PDZD2: variants seen among roughly 807,000 people sequenced by gnomAD.
The protein encoded by PDZD2 is PDZ domain containing 2, also known as PDZ domain-containing protein 2.
Under a neutral mutation model 220.7 loss-of-function variants are expected in PDZD2, and 90 were observed. The observed-to-expected ratio is 0.41, with a 90% CI of 0.34 to 0.49. The LOEUF is 0.49. Among genes scored for constraint, PDZD2 ranks in the 20% least tolerant of loss-of-function variants. The pLI, the probability that PDZD2 is intolerant of heterozygous loss-of-function variation, is 0.28. For synonymous variants in PDZD2, 1,375 were observed against 1,450.5 expected (o/e 0.95, Z 1.18); for missense variants, 3,174 against 3,608.5 (o/e 0.88, Z 3.08).
chr5:31,778,320 C>G (rs761254224), intron 1 of PDZD2, among the ~76,000 whole-genome samples: 2 of 152,168 alleles, frequency 1.3e-5, no homozygotes, highest in African/African-American at 2.4e-5. Context: ...GCAAGAGGCT[C>G]GGGTCCCCTT....
chr5:32,006,336 C>T lies in PDZD2; in HGVS notation c.1255-3994C>T, dbSNP rs138058846. ...TGAGTAGCATACTGTAAGAATCTTT[C>T]CATGTTAGGAAGTACAATTTTTTTT... On this transcript the variant is annotated intron_variant, in intron 5 of 24. Transcript: ENST00000438447. Among the ~76,000 whole-genome samples the T allele has an allele frequency of 7.3e-3, 1,069 of 145,810 alleles. 7 individuals carry two copies. Among genetic ancestry groups the T allele is most frequent in the Middle Eastern group, 0.021 (6 of 284 alleles).
At chr5:31,977,243 A>C (rs1749872200) in intron 2 of PDZD2, among the ~76,000 whole-genome samples, 1 of 152,180 alleles carries the variant, frequency 6.6e-6, no homozygotes, top group South Asian at 2.1e-4. Flanking sequence ...GACAGGCATT[A>C]ATAATTGATG....
chr5:32,098,246 A>G lies in PDZD2; in HGVS notation c.7948-118A>G, dbSNP rs1432046402. Reference sequence around the variant, plus strand: ...GACACAGCGAGACTCCCTCTCAAAAAATAAAAATAAAAAAGGAAGGTTCCT... The same window carrying G: ...GACACAGCGAGACTCCCTCTCAAAAGATAAAAATAAAAAAGGAAGGTTCCT... On this transcript the variant is annotated intron_variant, in intron 22 of 24. Coordinates refer to ENST00000438447, the MANE Select transcript of PDZD2 (RefSeq NM_178140.4). This position sits in a 1 kb window ranked among gnomAD's most constrained non-coding sequence, Gnocchi z 4.1. 1 of 1,027,996 alleles carries G rather than the reference A, an allele frequency of 9.7e-7. No individual in the cohort carries two copies. Among genetic ancestry groups the G allele is most frequent in the Admixed American group, 2.7e-5 (1 of 36,552 alleles). The allele number at this position is 1,027,996 out of a possible 1,614,324, so 63.7% of individuals were successfully genotyped here. A position where few individuals can be genotyped will look rare whatever the true frequency, so the allele number is the denominator to read the frequency against.
At chr5:31,767,712 C>A (rs1391892675) in intron 1 of PDZD2, among the ~76,000 whole-genome samples, 2 of 152,132 alleles carry the variant, frequency 1.3e-5, no homozygotes, top group Non-Finnish European at 2.9e-5. Context: ...ATTGATGGGG[C>A]CTGCAGACTT....
At chr5:32,037,857 T>TTC (rs398108789) in intron 7 of PDZD2, among the ~76,000 whole-genome samples, 1 of 151,534 alleles carries the variant, frequency 6.6e-6, no homozygotes, top group African/African-American at 2.4e-5. Flanking sequence ...TTTTTTTTTT[T>TTC]CTGAGATGGA....
At position 31,639,796 on chromosome 5, in the gene PDZD2, TCTG is replaced by T. The variant is rs1744873865; in HGVS notation, c.-361+360_-361+362del. Among the ~76,000 whole-genome samples the T allele has an allele frequency of 6.6e-6, 1 of 152,202 alleles. No homozygotes were observed. Among genetic ancestry groups the T allele is most frequent in the Non-Finnish European group, 1.5e-5 (1 of 68,036 alleles). On this transcript the variant is annotated intron_variant, in intron 1 of 24. Transcript: ENST00000438447. This position sits in a 1 kb window ranked among gnomAD's most constrained non-coding sequence, Gnocchi z 4.1. ...CCGGGTCCCCATCCCTGGGCCGTCT[TCTG>T]GTCCCTTCCTCCGACAGGAGTGGAG...
chr5:31,802,903 G>A, intron 2 of PDZD2, among the ~76,000 whole-genome samples: 1 of 121,324 alleles, frequency 8.2e-6, no homozygotes. Flanking sequence ...CTGGGCGACA[G>A]AGCAAGACTC....
intron 1 of PDZD2, among the ~76,000 whole-genome samples, chr5:31,788,243 T>C (rs1753492103): frequency 6.6e-6 from 1 of 151,876 alleles, no homozygotes; most frequent in East Asian, 1.9e-4. Context: ...TGATAGTGGG[T>C]GCCTGTAATC....
At chr5:32,028,681 TTTG>T (rs1561389700) in intron 6 of PDZD2, among the ~76,000 whole-genome samples, 1 of 142,632 alleles carries the variant, frequency 7.0e-6, no homozygotes, top group Non-Finnish European at 1.5e-5. Context: ...TTTTGTTTTT[TTTG>T]TTTTTTTTTT....
intron 3 of PDZD2, among the ~76,000 whole-genome samples, chr5:31,991,674 G>T (rs543036246): frequency 2.0e-5 from 3 of 152,310 alleles, no homozygotes; most frequent in Admixed American, 1.3e-4. Context: ...TTTTAGCCTA[G>T]TAAATATCAG....
chr5:32,050,134 T>C (rs1738383399), intron 8 of PDZD2, among the ~76,000 whole-genome samples: 1 of 152,146 alleles, frequency 6.6e-6, no homozygotes. Context: ...TTTCATCATG[T>C]TGGCCAGGCT....
intron 2 of PDZD2, among the ~76,000 whole-genome samples, chr5:31,802,364 C>G (rs1444791255): frequency 6.6e-6 from 1 of 152,180 alleles, no homozygotes; most frequent in East Asian, 1.9e-4. Context: ...GCAGTGATAA[C>G]TGGCAGAGCC....
Position 32,108,500 on chromosome 5 carries a change from A to C in PDZD2, c.*365A>C. On this transcript the variant is annotated 3_prime_UTR_variant, in exon 25 of 25. Transcript: ENST00000438447. The stretch of plus-strand genomic sequence containing the variant: ...CTTGCCAGCTCTCCCAACATACCCA[A>C]TCCTGGTGATCAGGGAACTAAAAGT... 1 of 156,924 alleles carries C rather than the reference A, an allele frequency of 6.4e-6. No homozygotes were observed. Among genetic ancestry groups the C allele is most frequent in the Non-Finnish European group, 1.4e-5 (1 of 70,870 alleles). The allele number at this position is 156,924 out of a possible 1,614,324, so 9.7% of individuals were successfully genotyped here. A position where few individuals can be genotyped will look rare whatever the true frequency, so the allele number is the denominator to read the frequency against.
At chr5:31,825,419 C>T (rs553272643) in intron 2 of PDZD2, among the ~76,000 whole-genome samples, 1 of 152,278 alleles carries the variant, frequency 6.6e-6, no homozygotes, top group East Asian at 1.9e-4. Context: ...GTTTCCAGCA[C>T]CAGTTCCCAC....
Position 32,039,798 on chromosome 5 carries a change from T to G in PDZD2, c.1519+2456T>G, listed in dbSNP as rs1179071536. Among the ~76,000 whole-genome samples, 3 of 147,654 alleles carry G rather than the reference T, an allele frequency of 2.0e-5. No homozygotes were observed. In the East Asian group the frequency reaches 6.2e-4, roughly 31 times the overall value. On this transcript the variant is annotated intron_variant, in intron 7 of 24. Transcript: ENST00000438447. ...AGCGTCTCTGCCGGACTGCCCATCG[T>G]CTGGGATGTGAGGAGCGCCTCTGCC...
chr5:31,735,131 C>A (rs1476407863), intron 1 of PDZD2, among the ~76,000 whole-genome samples: 2 of 152,114 alleles, frequency 1.3e-5, no homozygotes, highest in South Asian at 2.1e-4. Context: ...CTTCATGAGC[C>A]GTGGAGCGTG....
chr5:31,752,669 C>G (rs1751078580), intron 1 of PDZD2, among the ~76,000 whole-genome samples: 1 of 152,124 alleles, frequency 6.6e-6, no homozygotes, highest in Non-Finnish European at 1.5e-5. Context: ...GATACCTCAG[C>G]CTTCCAAAGT....
At chr5:31,928,429 A>G (rs1744980426) in intron 2 of PDZD2, among the ~76,000 whole-genome samples, 1 of 152,218 alleles carries the variant, frequency 6.6e-6, no homozygotes, top group Admixed American at 6.5e-5. Flanking sequence ...CCCAAAATAT[A>G]GAATGTATTT....
At chr5:31,857,476 C>T (rs986504023) in intron 2 of PDZD2, among the ~76,000 whole-genome samples, 7 of 152,140 alleles carry the variant, frequency 4.6e-5, no homozygotes, top group Admixed American at 3.3e-4. Flanking sequence ...TTTTTGAGAT[C>T]CTCCAAGGTT....
Sources: allele counts gnomAD v4.1 joint callset (sites outside exome capture counted in the v4.1 genomes callset), GRCh38; gene constraint gnomAD v4.1.1; non-coding constraint Gnocchi (gnomAD v3.1); transcripts MANE v1.5; gene names NCBI Gene and HGNC (gene_info 2026-07-23, HGNC 2026-07-21).